The following LAMC1 variants were observed in gnomAD, a reference collection of about 807,000 sequenced individuals.
LAMC1 encodes the protein laminin subunit gamma 1.
In LAMC1, 38 loss-of-function variants were observed where a neutral mutation model predicts 173.6. The observed-to-expected ratio is 0.22, with a 90% CI of 0.17 to 0.29. The LOEUF is 0.29. Among genes scored for constraint, LAMC1 ranks in the 10% least tolerant of loss-of-function variants. LAMC1 has a pLI of 1.00. For synonymous variants in LAMC1, 746 were observed against 749.1 expected, an observed-to-expected ratio of 1.00 and a Z score of 0.07; for missense variants, 1,824 against 2,051.8, an observed-to-expected ratio of 0.89 and a Z score of 2.14.
At chr1:183,114,129 G>A (rs970397126) in intron 4 of LAMC1, among the ~76,000 whole-genome samples, 1 of 152,178 alleles carries the variant, frequency 6.6e-6, no homozygotes, top group African/African-American at 2.4e-5. Context: ...GTGCCCAGTG[G>A]CGTGATCTCA....
At position 183,108,247 on chromosome 1, in the gene LAMC1, T is replaced by C. The variant is rs562510033; in HGVS notation, c.724-29T>C. 8 of 1,605,140 alleles carry C rather than the reference T, an allele frequency of 5.0e-6. No individual in the cohort carries two copies. The South Asian group carries it at 6.6e-5, about 13-fold the overall frequency. On this transcript the variant is annotated intron_variant, in intron 2 of 27. Coordinates refer to ENST00000258341, the MANE Select transcript of LAMC1 (RefSeq NM_002293.4). ...TCATTTTCAGTCCCTCCACTTCTCT[T>C]TTATGTTTCTATTTTTGCTTCCTGA...
rs976191450 is a variant in LAMC1 at position 183,056,502 on chromosome 1, A to C, written c.418+32368A>C. Among the ~76,000 whole-genome samples the C allele has an allele frequency of 5.9e-5, 9 of 152,038 alleles. No individual in the cohort carries two copies. The East Asian group carries it at 9.6e-4, about 16-fold the overall frequency. ...TCAAGGCCTGACCTGAGCCATCTTC[A>C]TCCTTGAAGAGTTCTTCCACCCTCC... On this transcript the variant is annotated intron_variant, in intron 1 of 27. Coordinates refer to ENST00000258341, the MANE Select transcript of LAMC1 (RefSeq NM_002293.4).
intron 1 of LAMC1, among the ~76,000 whole-genome samples, chr1:183,080,031 G>A (rs1442996893): frequency 2.0e-5 from 3 of 152,056 alleles, no homozygotes; most frequent in Non-Finnish European, 4.4e-5. Flanking sequence ...ATCACCTGAG[G>A]TCAGGAGTTC....
intron 1 of LAMC1, among the ~76,000 whole-genome samples, chr1:183,026,180 CTA>C (rs1363512620): frequency 6.6e-6 from 1 of 152,172 alleles, no homozygotes; most frequent in African/African-American, 2.4e-5. Flanking sequence ...ATTCATAAAA[CTA>C]TGAGTTTAAA....
chr1:183,026,177 A>T (rs111242426), intron 1 of LAMC1, among the ~76,000 whole-genome samples: 292 of 152,344 alleles, frequency 1.9e-3, no homozygotes, highest in African/African-American at 6.3e-3. Flanking sequence ...GAAATTCATA[A>T]AACTATGAGT....
chr1:183,089,639 G>T (rs1031785401), intron 1 of LAMC1, among the ~76,000 whole-genome samples: 1 of 152,106 alleles, frequency 6.6e-6, no homozygotes. Flanking sequence ...TAACTAGAAA[G>T]AAGCTTTTAA....
chr1:183,027,003 T>C (rs1456753676), intron 1 of LAMC1, among the ~76,000 whole-genome samples: 1 of 152,156 alleles, frequency 6.6e-6, no homozygotes, highest in Non-Finnish European at 1.5e-5. Flanking sequence ...TGCATACACA[T>C]GTGTATATAA....
chr1:183,081,791 C>G (rs988886387), intron 1 of LAMC1, among the ~76,000 whole-genome samples: 1 of 152,076 alleles, frequency 6.6e-6, no homozygotes, highest in Admixed American at 6.5e-5. Context: ...AGTTTAGGCT[C>G]TCTCTTGGTG....
intron 1 of LAMC1, among the ~76,000 whole-genome samples, chr1:183,086,483 C>G (rs75858070): frequency 0.017 from 2,581 of 151,400 alleles, 21 homozygotes; most frequent in Non-Finnish European, 0.028. Flanking sequence ...TGTCACTTGT[C>G]CCTCGTGGCT....
At position 183,117,416 on chromosome 1, in the gene LAMC1, A is replaced by G. The variant is rs1484872268; in HGVS notation, c.1661A>G (p.Tyr554Cys). The change falls in exon 9 of 28, where the codon TAC becomes TGC. Residue 554 changes from tyrosine to cysteine, a missense_variant. Coordinates refer to ENST00000258341, the MANE Select transcript of LAMC1 (RefSeq NM_002293.4). The stretch of plus-strand genomic sequence containing the variant: ...GATATCGCCGTGATCTCAGACAGCT[A>G]CTTTCCTCGGTACTTCATTGCTCCT... The part of the protein sequence containing the change: ...RQDIAVISDS[Y>C]FPRYFIAPAK... The G allele has an allele frequency of 2.5e-6, 4 of 1,613,814 alleles. No homozygotes were observed. Among genetic ancestry groups the G allele is most frequent in the Non-Finnish European group, 3.4e-6 (4 of 1,179,742 alleles).
intron 1 of LAMC1, among the ~76,000 whole-genome samples, chr1:183,044,629 C>G (rs1241205062): frequency 6.6e-6 from 1 of 152,094 alleles, no homozygotes; most frequent in Non-Finnish European, 1.5e-5. Context: ...GCTGTGTTCA[C>G]TAATCATTGG....
chr1:183,056,947 C>G (rs529309102), intron 1 of LAMC1, among the ~76,000 whole-genome samples: 1 of 152,292 alleles, frequency 6.6e-6, no homozygotes, highest in African/African-American at 2.4e-5. Context: ...GAGTAATTCT[C>G]TTTTCTTTAA....
At chr1:183,092,379 A>G (rs1368081861) in intron 1 of LAMC1, among the ~76,000 whole-genome samples, 1 of 152,032 alleles carries the variant, frequency 6.6e-6, no homozygotes, top group Non-Finnish European at 1.5e-5. Flanking sequence ...CTGGGGACAC[A>G]TGTTCTCGGG....
chr1:183,036,100 T>G (rs1175606801), intron 1 of LAMC1, among the ~76,000 whole-genome samples: 2 of 65,326 alleles, frequency 3.1e-5, no homozygotes, highest in Non-Finnish European at 8.5e-5. Flanking sequence ...TGAATTCTTT[T>G]TTTTTTTTTT....
chr1:183,111,047 A>G (rs1037529929), intron 4 of LAMC1, among the ~76,000 whole-genome samples: 25 of 151,938 alleles, frequency 1.6e-4, no homozygotes, highest in Non-Finnish European at 1.3e-4. Flanking sequence ...ATCAAATATA[A>G]TGAGTTCTAG....
At chr1:183,136,356 A>T in intron 24 of LAMC1, 30 bp from the exon 25 acceptor site, 1 of 1,602,502 alleles carries the variant, frequency 6.2e-7, no homozygotes, top group Admixed American at 1.7e-5. Flanking sequence ...TTGGGAGTTT[A>T]GCTCAAATGT....
Position 183,108,315 on chromosome 1 carries a change from C to T in LAMC1, c.763C>T (p.Arg255Cys). 2.5e-6 allele frequency: 4 copies of T among 1,613,380 alleles called. No individual in the cohort carries two copies. Among genetic ancestry groups the T allele is most frequent in the South Asian group, 2.2e-5 (2 of 91,034 alleles). The change falls in exon 3 of 28, where the codon CGC becomes TGC. Residue 255 changes from arginine to cysteine, a missense_variant. Physicochemically the swap from Arg to Cys is radical, Grantham distance 180. Coordinates refer to ENST00000258341, the MANE Select transcript of LAMC1 (RefSeq NM_002293.4). Reference protein sequence around the residue: ...TATDIRVTLNRLNTFGDEVFN... With the variant: ...TATDIRVTLNCLNTFGDEVFN... ...CACTGACATCAGAGTAACTCTTAAT[C>T]GCCTGAACACTTTTGGAGATGAAGT...
chr1:183,129,388 A>C (rs1249702890), intron 18 of LAMC1, among the ~76,000 whole-genome samples: 1 of 151,986 alleles, frequency 6.6e-6, no homozygotes. Context: ...GCGCCCAGCC[A>C]AAAAATTTTT....
At chr1:183,064,060 C>G (rs998639904) in intron 1 of LAMC1, among the ~76,000 whole-genome samples, 1 of 152,086 alleles carries the variant, frequency 6.6e-6, no homozygotes, top group South Asian at 2.1e-4. Context: ...AGTGGGTAAA[C>G]TTTATTATTG....
Sources: gnomAD v4.1 joint callset for allele counts (sites outside exome capture counted in the v4.1 genomes callset) on GRCh38, gnomAD v4.1.1 for gene constraint, MANE v1.5 for transcripts, NCBI Gene and HGNC (gene_info 2026-07-23, HGNC 2026-07-21) for gene names.